Variants in SPMIP3 observed in about 807,000 individuals in gnomAD.
The protein encoded by SPMIP3 is sperm microtubule inner protein 3.
At chr1:244,386,754 A>G in the SPMIP3 span, among the ~76,000 whole-genome samples, 1 of 152,202 alleles carries the variant, frequency 6.6e-6, no homozygotes, top group Non-Finnish European at 1.5e-5. Flanking sequence ...GGTTAGTGAA[A>G]TGTTATCCAT....
At chr1:244,375,382 G>A in the SPMIP3 span, 93 of 1,613,006 alleles carry the variant, frequency 5.8e-5, no homozygotes, top group African/African-American at 5.3e-4. Context: ...TATATTCATC[G>A]CTCACCAAGG....
At chr1:244,354,501 G>A in the SPMIP3 span, among the ~76,000 whole-genome samples, 4 of 151,798 alleles carry the variant, frequency 2.6e-5, no homozygotes, top group African/African-American at 7.3e-5. Context: ...GACTACAGGT[G>A]TGCACCACCA....
chr1:244,380,983 G>A, the SPMIP3 span, among the ~76,000 whole-genome samples: 6 of 152,092 alleles, frequency 3.9e-5, no homozygotes, highest in Admixed American at 1.3e-4. Flanking sequence ...GCCTGATCAC[G>A]GCGGGAGCTG....
the SPMIP3 span, among the ~76,000 whole-genome samples, chr1:244,383,942 T>G: frequency 6.6e-6 from 1 of 152,160 alleles, no homozygotes. Context: ...TTTCATTTTG[T>G]GAGGGATAAA....
At chr1:244,384,786 G>C in the SPMIP3 span, among the ~76,000 whole-genome samples, 1 of 152,180 alleles carries the variant, frequency 6.6e-6, no homozygotes, top group Non-Finnish European at 1.5e-5. Flanking sequence ...GGCTGGCAAA[G>C]GGCTGGTCTG....
the SPMIP3 span, among the ~76,000 whole-genome samples, chr1:244,363,682 G>A: frequency 6.6e-6 from 1 of 152,156 alleles, no homozygotes; most frequent in African/African-American, 2.4e-5. Context: ...TACTCCCAAC[G>A]CCACTGTCTC....
At chr1:244,365,572 G>A in the SPMIP3 span, among the ~76,000 whole-genome samples, 3 of 152,116 alleles carry the variant, frequency 2.0e-5, no homozygotes, top group Non-Finnish European at 4.4e-5. Flanking sequence ...CCAGTCTCGG[G>A]TATTTCTTCA....
chr1:244,361,303 C>G, the SPMIP3 span, among the ~76,000 whole-genome samples: 9 of 137,102 alleles, frequency 6.6e-5, no homozygotes, highest in South Asian at 2.1e-3. Flanking sequence ...GATCTCGGCT[C>G]ACTGCAACCT....
the SPMIP3 span, among the ~76,000 whole-genome samples, chr1:244,363,827 G>A: frequency 1.3e-5 from 2 of 152,184 alleles, no homozygotes; most frequent in Admixed American, 1.3e-4. Flanking sequence ...AACCTTGCTT[G>A]CCAGTAGAGA....
the SPMIP3 span, chr1:244,389,375 A>C: frequency 5.6e-6 from 1 of 177,824 alleles, no homozygotes. Context: ...CTGCACAATA[A>C]TTGCATCGCT....
At chr1:244,388,869 G>T in the SPMIP3 span, 1 of 1,097,454 alleles carries the variant, frequency 9.1e-7, no homozygotes, top group South Asian at 1.3e-5. Context: ...TTGTTACTGT[G>T]CACAACTGCT....
At chr1:244,385,888 G>C in the SPMIP3 span, among the ~76,000 whole-genome samples, 1 of 152,092 alleles carries the variant, frequency 6.6e-6, no homozygotes, top group Non-Finnish European at 1.5e-5. Flanking sequence ...GACTGGCCAG[G>C]TGCGGTGGCT....
At chr1:244,389,662 A>G in the SPMIP3 span, 2 of 151,880 alleles carry the variant, frequency 1.3e-5, no homozygotes, top group African/African-American at 2.4e-5. Flanking sequence ...AAGGAAAAAA[A>G]CCTTACATTT....
chr1:244,369,906 G>A, the SPMIP3 span, among the ~76,000 whole-genome samples: 2 of 152,254 alleles, frequency 1.3e-5, no homozygotes, highest in East Asian at 1.9e-4. Flanking sequence ...CGTGGTGACA[G>A]AGAAAGGGGA....
chr1:244,371,224 C>G, the SPMIP3 span, among the ~76,000 whole-genome samples: 1 of 152,214 alleles, frequency 6.6e-6, no homozygotes, highest in East Asian at 1.9e-4. Context: ...ACGCACGGTG[C>G]CTGCACCTGC....
the SPMIP3 span, among the ~76,000 whole-genome samples, chr1:244,357,254 A>G: frequency 6.6e-6 from 1 of 152,058 alleles, no homozygotes; most frequent in Admixed American, 6.6e-5. Flanking sequence ...CAAGATACAT[A>G]AGTAAACGTA....
At chr1:244,383,700 G>A in the SPMIP3 span, among the ~76,000 whole-genome samples, 1 of 152,152 alleles carries the variant, frequency 6.6e-6, no homozygotes, top group African/African-American at 2.4e-5. Context: ...TACAGCATGT[G>A]CAAAGGCCTT....
chr1:244,378,162 C>T, the SPMIP3 span, among the ~76,000 whole-genome samples: 87 of 152,168 alleles, frequency 5.7e-4, no homozygotes, highest in African/African-American at 2.1e-3. Context: ...TGGGAAAGGG[C>T]ACCGGGGACC....
At chr1:244,375,550 C>A in the SPMIP3 span, 1 of 1,021,452 alleles carries the variant, frequency 9.8e-7, no homozygotes, top group Non-Finnish European at 1.5e-6. Flanking sequence ...GGAAGATACA[C>A]TACTCCTCAT....
Sources: allele counts gnomAD v4.1 joint callset (sites outside exome capture counted in the v4.1 genomes callset), GRCh38; gene constraint gnomAD v4.1.1; transcripts MANE v1.5; gene names NCBI Gene and HGNC (gene_info 2026-07-23, HGNC 2026-07-21).